Variants in INTS4 observed in about 807,000 individuals in gnomAD.
The protein encoded by INTS4 is integrator complex subunit 4, also known as MSTP093.
INTS4 carries 70 observed loss-of-function variants against 119.5 expected under a neutral mutation model. That is an observed-to-expected ratio of 0.59 (90% CI 0.48 to 0.71). The LOEUF (loss-of-function observed/expected upper bound fraction) is 0.71, where lower values mean the gene tolerates loss of function less well. INTS4 is among the 30% of genes least tolerant of loss of function. INTS4 has a pLI of 0.00. For synonymous variants in INTS4, 316 were observed against 419.6 expected, an observed-to-expected ratio of 0.75 and a Z score of 3.02; for missense variants, 867 against 1,173.2, an observed-to-expected ratio of 0.74 and a Z score of 3.81.
chr11:77,889,026 AG>A (rs1238693772), intron 21 of INTS4, among the ~76,000 whole-genome samples: 1 of 152,234 alleles, frequency 6.6e-6, no homozygotes, highest in East Asian at 1.9e-4. Flanking sequence ...GCAATTCCTC[AG>A]GGATCTAGAA....
At chr11:77,925,463 C>T (rs1306165680) in intron 11 of INTS4, among the ~76,000 whole-genome samples, 1 of 152,020 alleles carries the variant, frequency 6.6e-6, no homozygotes, top group Non-Finnish European at 1.5e-5. Context: ...GCATGGTTGC[C>T]GCAATCTCTC....
chr11:77,989,658 G>T (rs893989496), intron 2 of INTS4, among the ~76,000 whole-genome samples: 1 of 151,816 alleles, frequency 6.6e-6, no homozygotes, highest in African/African-American at 2.4e-5. Context: ...GGAAGCCCAA[G>T]GAGGGTGGAT....
In INTS4 at chr11:77,907,779, C is replaced by G. The variant is rs377236226; in HGVS notation, c.1954G>C (p.Glu652Gln). The G allele has an allele frequency of 1.9e-5, 30 of 1,613,566 alleles. No homozygotes were observed. The highest frequency in any genetic ancestry group is 2.5e-5 in the Non-Finnish European group (30 of 1,179,700). The change falls in exon 16 of 23, where the codon GAA becomes CAA. Residue 652 changes from glutamate to glutamine, a missense_variant. This residue lies in a region of INTS4 where 262 missense variants were observed against 376.0 expected (regional missense o/e 0.70). Transcript: ENST00000534064. ...GAGAAATCAGCTACTCCTGCCAATT[C>G]AGATTGAAGTTCTCCAAGTCTTTGC... ...DLQRLGELQS[E>Q]LAGVADFSAT...
chr11:77,989,576 T>C (rs1468177940), intron 2 of INTS4, among the ~76,000 whole-genome samples: 1 of 152,198 alleles, frequency 6.6e-6, no homozygotes, highest in Non-Finnish European at 1.5e-5. Flanking sequence ...TATAGTATTT[T>C]ATCTACTTTT....
intron 2 of INTS4, among the ~76,000 whole-genome samples, chr11:77,982,716 A>G (rs757561631): frequency 1.3e-5 from 2 of 152,182 alleles, no homozygotes; most frequent in East Asian, 1.9e-4. Context: ...ATCAATAAAT[A>G]TATGTGAAAT....
chr11:77,903,846 C>A (rs1952856750), intron 16 of INTS4, among the ~76,000 whole-genome samples: 2 of 152,148 alleles, frequency 1.3e-5, no homozygotes, highest in African/African-American at 4.8e-5. Flanking sequence ...GGCCCAAAGG[C>A]TCTGTGTCCC....
intron 22 of INTS4, 35 bp downstream of exon 22, chr11:77,883,797 A>AT: frequency 6.2e-7 from 1 of 1,608,230 alleles, no homozygotes; most frequent in Middle Eastern, 1.7e-4. Flanking sequence ...CTCCAGCAGC[A>AT]TATTTCCCTT....
At position 77,928,465 on chromosome 11, in the gene INTS4, T is replaced by C; in HGVS notation, c.1248A>G (p.Leu416=). ...PSFAEKCLDF[L]VDMFNDEIEE... ...CAATTTCATCGTTGAACATGTCAAC[T>C]AGGAAATCAAGGCACTTCTCAGCAA... Residue 416 remains leucine (L), a synonymous_variant, in exon 11 of 23, where the codon CTA becomes CTG. Coordinates refer to ENST00000534064, the MANE Select transcript of INTS4 (RefSeq NM_033547.4). 1 of 1,605,994 alleles carries C rather than the reference T, an allele frequency of 6.2e-7. No homozygotes were observed. Among genetic ancestry groups the C allele is most frequent in the Non-Finnish European group, 8.5e-7 (1 of 1,175,008 alleles).
At chr11:77,971,642 CAAAAAAACA>C (rs1565282316) in intron 4 of INTS4, among the ~76,000 whole-genome samples, 2 of 151,176 alleles carry the variant, frequency 1.3e-5, no homozygotes, top group Non-Finnish European at 2.9e-5. Context: ...GACTCCGACT[CAAAAAAACA>C]AAAAAAACAA....
intron 3 of INTS4, among the ~76,000 whole-genome samples, chr11:77,980,098 C>A (rs561234858): frequency 6.6e-6 from 1 of 151,786 alleles, no homozygotes; most frequent in Non-Finnish European, 1.5e-5. Flanking sequence ...ATGTTGTCTA[C>A]CCTTGCCTAT....
At chr11:77,942,442 A>G (rs1445627544) in intron 8 of INTS4, among the ~76,000 whole-genome samples, 1 of 152,210 alleles carries the variant, frequency 6.6e-6, no homozygotes, top group East Asian at 1.9e-4. Flanking sequence ...TTGCCATAGT[A>G]AGGGGTTTGC....
intron 16 of INTS4, 115 bp from the exon 17 acceptor site, chr11:77,903,735 T>C: frequency 7.1e-6 from 5 of 704,016 alleles, no homozygotes; most frequent in Admixed American, 2.7e-5. Flanking sequence ...GACTTCTCAA[T>C]TGATCTTATT....
intron 10 of INTS4, among the ~76,000 whole-genome samples, chr11:77,934,183 T>C (rs2136510530): frequency 6.6e-6 from 1 of 152,064 alleles, no homozygotes; most frequent in South Asian, 2.1e-4. Flanking sequence ...AAACAGATGC[T>C]TGAAGGCAGC....
chr11:77,920,080 A>G (rs992260336), intron 14 of INTS4, among the ~76,000 whole-genome samples: 5 of 151,888 alleles, frequency 3.3e-5, no homozygotes, highest in African/African-American at 1.2e-4. Flanking sequence ...AAATGCTTAG[A>G]TTACAGGTAT....
chr11:77,994,649 C>G lies in INTS4; in HGVS notation c.-6G>C, dbSNP rs759166538. ...TTCTTAAGGTGCGCCGCCATGCCTA[C>G]CCGCGGGCCCTCTCAGCTTCCGTAC... On this transcript the variant is annotated 5_prime_UTR_variant, in exon 1 of 23. Coordinates refer to ENST00000534064, the MANE Select transcript of INTS4 (RefSeq NM_033547.4). 21 of 1,614,186 alleles carry G rather than the reference C, an allele frequency of 1.3e-5. No individual in the cohort carries two copies. Among genetic ancestry groups the G allele is most frequent in the Non-Finnish European group, 1.8e-5 (21 of 1,180,030 alleles).
chr11:77,989,104 A>AG (rs1856563785), intron 2 of INTS4, among the ~76,000 whole-genome samples: 2 of 152,090 alleles, frequency 1.3e-5, no homozygotes, highest in Non-Finnish European at 2.9e-5. Flanking sequence ...CATAGCAGTG[A>AG]GAAAAAAAAA....
chr11:77,895,776 A>C (rs1952490994), intron 18 of INTS4, among the ~76,000 whole-genome samples: 1 of 152,076 alleles, frequency 6.6e-6, no homozygotes, highest in African/African-American at 2.4e-5. Flanking sequence ...CCAGGAAGTA[A>C]AATACAAAAA....
At chr11:77,895,988 G>A (rs561352009) in intron 18 of INTS4, among the ~76,000 whole-genome samples, 112 of 152,300 alleles carry the variant, frequency 7.4e-4, no homozygotes, top group African/African-American at 2.6e-3. Flanking sequence ...TTCATTGTAA[G>A]TAGGCAAAGA....
Position 77,928,558 on chromosome 11 carries a change from G to C in INTS4, c.1166-11C>G. ...CAGCAATACGAACCTCTAGAAAAAAGAACAAATGAAATTGCACATCAGGCT... is the reference window on the plus strand; with the variant it reads ...CAGCAATACGAACCTCTAGAAAAAACAACAAATGAAATTGCACATCAGGCT... On this transcript the variant is annotated splice_polypyrimidine_tract_variant and intron_variant, in intron 10 of 22. Coordinates refer to ENST00000534064, the MANE Select transcript of INTS4 (RefSeq NM_033547.4). The C allele has an allele frequency of 1.3e-6, 2 of 1,554,076 alleles. No homozygotes were observed. Among genetic ancestry groups the C allele is most frequent in the Non-Finnish European group, 1.7e-6 (2 of 1,148,224 alleles).
Sources: gnomAD v4.1 joint callset for allele counts (sites outside exome capture counted in the v4.1 genomes callset) on GRCh38, gnomAD v4.1.1 for gene constraint, gnomAD v4.1.1 regional missense constraint, MANE v1.5 for transcripts, NCBI Gene and HGNC (gene_info 2026-07-23, HGNC 2026-07-21) for gene names.